The following OPCML variants were observed in gnomAD, a reference collection of about 807,000 sequenced individuals.
The protein encoded by OPCML is opioid-binding protein/cell adhesion molecule.
OPCML carries 13 observed loss-of-function variants against 37.8 expected under a neutral mutation model. The ratio of observed to expected loss-of-function variants is 0.34; its 90% confidence interval spans 0.22 to 0.55. The LOEUF (loss-of-function observed/expected upper bound fraction) is 0.55. Among genes scored for constraint, OPCML ranks in the 20% least tolerant of loss-of-function variants. The pLI is 0.91. For missense variants in OPCML, 341 were observed against 435.6 expected (o/e 0.78, Z 1.93); for synonymous variants, 176 against 168.8 (o/e 1.04, Z -0.33).
At chr11:133,342,491 G>T (rs1453551110) in intron 1 of OPCML, among the ~76,000 whole-genome samples, 1 of 152,216 alleles carries the variant, frequency 6.6e-6, no homozygotes, top group Non-Finnish European at 1.5e-5. Context: ...ACAGCAGAAA[G>T]ATTGATCAAA....
At chr11:133,366,223 G>C (rs1402443082) in intron 1 of OPCML, 1 of 152,180 alleles carries the variant, frequency 6.6e-6, no homozygotes, top group Admixed American at 6.5e-5. Context: ...TGTAAATCAG[G>C]TCACGAATAC....
intron 1 of OPCML, among the ~76,000 whole-genome samples, chr11:133,363,655 C>A (rs1944471647): frequency 1.3e-5 from 2 of 152,180 alleles, no homozygotes; most frequent in African/African-American, 2.4e-5. Context: ...GAAAGCAACA[C>A]CTCAAGCAGG....
intron 1 of OPCML, among the ~76,000 whole-genome samples, chr11:133,219,683 G>A (rs1420293927): frequency 1.3e-5 from 2 of 152,094 alleles, no homozygotes; most frequent in African/African-American, 2.4e-5. Flanking sequence ...TTCACTTTGG[G>A]GACCCTTGAC....
At chr11:133,440,036 G>A (rs1442227578) in intron 1 of OPCML, among the ~76,000 whole-genome samples, 1 of 152,098 alleles carries the variant, frequency 6.6e-6, no homozygotes, top group Non-Finnish European at 1.5e-5. Context: ...CTATTCCTGA[G>A]TAAACCAACA....
chr11:133,216,738 T>C (rs1477440158), intron 1 of OPCML, among the ~76,000 whole-genome samples: 1 of 152,220 alleles, frequency 6.6e-6, no homozygotes, highest in Non-Finnish European at 1.5e-5. Flanking sequence ...AGACTATGGC[T>C]TATTAACTAT....
chr11:133,039,675 C>T (rs1947849174), intron 1 of OPCML, among the ~76,000 whole-genome samples: 1 of 152,104 alleles, frequency 6.6e-6, no homozygotes, highest in Non-Finnish European at 1.5e-5. Flanking sequence ...AAACGTCCTT[C>T]TTGGCAGTCA....
intron 4 of OPCML, among the ~76,000 whole-genome samples, chr11:132,443,365 G>A (rs566476436): frequency 6.6e-6 from 1 of 152,366 alleles, no homozygotes; most frequent in East Asian, 1.9e-4. Context: ...GGAGTGGGCA[G>A]AGGGTGGCCA....
At chr11:132,989,065 G>C (rs1225130778) in intron 1 of OPCML, among the ~76,000 whole-genome samples, 1 of 152,154 alleles carries the variant, frequency 6.6e-6, no homozygotes, top group Non-Finnish European at 1.5e-5. Flanking sequence ...CGAATGTTCA[G>C]GATCTTCATA....
chr11:132,834,200 G>A (rs1380944272), intron 2 of OPCML, among the ~76,000 whole-genome samples: 1 of 152,100 alleles, frequency 6.6e-6, no homozygotes, highest in Non-Finnish European at 1.5e-5. Context: ...ATTGAGAGAG[G>A]AGATAGAGCC....
At chr11:133,232,478 TA>T (rs1940322170) in intron 1 of OPCML, among the ~76,000 whole-genome samples, 1 of 152,116 alleles carries the variant, frequency 6.6e-6, no homozygotes, top group Non-Finnish European at 1.5e-5. Flanking sequence ...TGATGCATTA[TA>T]AAGTCATGAC....
chr11:132,702,609 G>C (rs1343145169), intron 2 of OPCML, among the ~76,000 whole-genome samples: 1 of 152,098 alleles, frequency 6.6e-6, no homozygotes, highest in East Asian at 1.9e-4. Flanking sequence ...TTCCTCTCCA[G>C]ATTTGGGAAG....
At chr11:132,873,241 T>C (rs1942877036) in intron 2 of OPCML, among the ~76,000 whole-genome samples, 3 of 152,354 alleles carry the variant, frequency 2.0e-5, no homozygotes, top group South Asian at 2.1e-4. Flanking sequence ...TTAACTACTT[T>C]GTAATTCTAT....
chr11:132,474,965 C>T (rs577371552), intron 4 of OPCML, among the ~76,000 whole-genome samples: 3 of 152,180 alleles, frequency 2.0e-5, no homozygotes, highest in African/African-American at 4.8e-5. Context: ...GCCACAGCTG[C>T]CATGTTCTCT....
chr11:132,752,030 G>A (rs923853438), intron 2 of OPCML, among the ~76,000 whole-genome samples: 4 of 152,098 alleles, frequency 2.6e-5, no homozygotes, highest in African/African-American at 7.2e-5. Context: ...AAAGGCATGC[G>A]ATACTACAGA....
chr11:132,512,348 C>T (rs1482165976), intron 4 of OPCML, among the ~76,000 whole-genome samples: 1 of 151,958 alleles, frequency 6.6e-6, no homozygotes, highest in Non-Finnish European at 1.5e-5. Context: ...CAATTCTGCT[C>T]CTAAGTATTT....
At position 133,189,029 on chromosome 11, in the gene OPCML, A is replaced by C. The variant is rs752923030; in HGVS notation, c.62-246019T>G. Among the ~76,000 whole-genome samples, 284 of 151,648 alleles carry C rather than the reference A, an allele frequency of 1.9e-3. 2 individuals carry two copies. The highest frequency in any genetic ancestry group is 1.7e-3 in the Non-Finnish European group (113 of 67,888). On this transcript the variant is annotated intron_variant, in intron 1 of 7. Transcript: ENST00000524381. ...TGGCCCTTGTCCCCTGCCACTCCCC[A>C]CTCCTCAAATAAATGGGCAAAAAAT...
chr11:133,459,360 CAA>C (rs564579676), intron 1 of OPCML, among the ~76,000 whole-genome samples: 58 of 152,068 alleles, frequency 3.8e-4, no homozygotes, highest in African/African-American at 1.3e-3. Flanking sequence ...AACAAAATGT[CAA>C]AAAGTGTCCT....
At chr11:132,518,907 C>T (rs1388257925) in intron 4 of OPCML, among the ~76,000 whole-genome samples, 1 of 152,198 alleles carries the variant, frequency 6.6e-6, no homozygotes. Context: ...AGCTTTACAA[C>T]AGACGGTAGG....
At chr11:132,947,719 G>A (rs1445286604) in intron 1 of OPCML, among the ~76,000 whole-genome samples, 1 of 152,192 alleles carries the variant, frequency 6.6e-6, no homozygotes, top group Non-Finnish European at 1.5e-5. Flanking sequence ...GGAAATGCTT[G>A]GCTGAGTATC....
Sources: gnomAD v4.1 joint callset for allele counts (sites outside exome capture counted in the v4.1 genomes callset) on GRCh38, gnomAD v4.1.1 for gene constraint, MANE v1.5 for transcripts, NCBI Gene and HGNC (gene_info 2026-07-23, HGNC 2026-07-21) for gene names.